VSTM4: variants seen among roughly 807,000 people sequenced by gnomAD.
The protein encoded by VSTM4 is V-set and transmembrane domain containing 4, also known as V-set and transmembrane domain-containing protein 4.
Under a neutral mutation model 36.4 loss-of-function variants are expected in VSTM4, and 20 were observed. That is an observed-to-expected ratio of 0.55 (90% CI 0.39 to 0.80). The LOEUF is 0.80. VSTM4 is among the 30% of genes least tolerant of loss of function. VSTM4 has a pLI of 0.00. For synonymous variants in VSTM4, 182 were observed against 173.9 expected (o/e 1.05, Z -0.37); for missense variants, 392 against 404.5 (o/e 0.97, Z 0.26).
chr10:49,048,370 T>TA, intron 6 of VSTM4, 108 bp downstream of exon 6: 1 of 980,892 alleles, frequency 1.0e-6, no homozygotes, highest in Non-Finnish European at 1.5e-6. Flanking sequence ...TGTCATGTCA[T>TA]ATTCCCCATC....
At position 49,107,772 on chromosome 10, in the gene VSTM4, G is replaced by T. The variant is rs111748147; in HGVS notation, c.279C>A (p.Ser93Arg). ...VVQYYGNFSR[S>R]AKRRRLRLLE... ...GCAGGCGCAGCCTCCGCCGTTTGGC[G>T]CTGCGGCTGAAATTCCCATAGTACT... Residue 93 changes from serine (S) to arginine (R), a missense_variant, in exon 2 of 8, where the codon AGC becomes AGA. Transcript: ENST00000332853. 1 of 1,614,204 alleles carries T rather than the reference G, an allele frequency of 6.2e-7. No individual in the cohort carries two copies. Among genetic ancestry groups the T allele is most frequent in the Non-Finnish European group, 8.5e-7 (1 of 1,180,052 alleles).
At chr10:49,033,918 C>A (rs1010400574) in intron 7 of VSTM4, among the ~76,000 whole-genome samples, 1 of 152,002 alleles carries the variant, frequency 6.6e-6, no homozygotes, top group Non-Finnish European at 1.5e-5. Flanking sequence ...TCATCATCAC[C>A]ATCCTCTTCA....
rs143969418 is a variant in VSTM4 at position 49,057,602 on chromosome 10, C to T, written c.668+7101G>A. 3.6e-3 allele frequency among the ~76,000 whole-genome samples: 554 copies of T among 152,312 alleles called. 4 individuals are homozygous for T. The highest frequency in any genetic ancestry group is 6.8e-3 in the Middle Eastern group (2 of 294). On this transcript the variant is annotated intron_variant, in intron 5 of 7. Coordinates refer to ENST00000332853, the MANE Select transcript of VSTM4 (RefSeq NM_001031746.5). ...GAACCACCCCCATCTCACAGGCCTGCCCTCCCCACTCCCACCCCTGCCTGG... is the reference window on the plus strand; with the variant it reads ...GAACCACCCCCATCTCACAGGCCTGTCCTCCCCACTCCCACCCCTGCCTGG...
At chr10:49,113,135 C>T (rs1214978504) in intron 1 of VSTM4, among the ~76,000 whole-genome samples, 2 of 152,172 alleles carry the variant, frequency 1.3e-5, no homozygotes, top group Non-Finnish European at 2.9e-5. Flanking sequence ...TTCAGGGAGA[C>T]CAGAGCCTCT....
intron 1 of VSTM4, among the ~76,000 whole-genome samples, chr10:49,109,345 G>A (rs755178193): frequency 7.2e-5 from 11 of 152,224 alleles, no homozygotes; most frequent in Admixed American, 2.6e-4. Flanking sequence ...GCAGCAAGCA[G>A]GCGGCCCTGC....
At chr10:49,114,447 T>C (rs1844952241) in intron 1 of VSTM4, among the ~76,000 whole-genome samples, 1 of 152,140 alleles carries the variant, frequency 6.6e-6, no homozygotes, top group South Asian at 2.1e-4. Context: ...TGGGTTCAAA[T>C]CCCAGCTCCA....
intron 6 of VSTM4, 144 bp from the exon 7 acceptor site, chr10:49,047,188 A>C: frequency 3.6e-6 from 3 of 840,394 alleles, no homozygotes; most frequent in Non-Finnish European, 5.9e-6. Flanking sequence ...AGGTGTCAGC[A>C]AGTGCCCCTC....
chr10:49,075,922 A>G (rs1775842561), intron 4 of VSTM4, among the ~76,000 whole-genome samples: 1 of 152,168 alleles, frequency 6.6e-6, no homozygotes. Context: ...GCTCCCTCCC[A>G]GCTGCCTCCT....
intron 4 of VSTM4, among the ~76,000 whole-genome samples, chr10:49,074,074 G>C (rs556193551): frequency 3.3e-5 from 5 of 152,284 alleles, no homozygotes; most frequent in Admixed American, 3.3e-4. Context: ...CCTGCATGTT[G>C]AGTCTTCGCA....
At chr10:49,103,593 C>T in intron 2 of VSTM4, 1 of 1,439,212 alleles carries the variant, frequency 6.9e-7, no homozygotes, top group Non-Finnish European at 9.1e-7. Context: ...TGGCTCTTCT[C>T]AGAACTGGGA....
chr10:49,045,202 T>TTCTCTC (rs55748405), intron 7 of VSTM4, among the ~76,000 whole-genome samples: 42 of 148,402 alleles, frequency 2.8e-4, no homozygotes, highest in East Asian at 9.9e-4. Context: ...CAGTCTTTCT[T>TTCTCTC]TCTCTCTCTC....
intron 2 of VSTM4, among the ~76,000 whole-genome samples, chr10:49,092,045 T>C (rs1208420411): frequency 6.6e-6 from 1 of 152,248 alleles, no homozygotes; most frequent in African/African-American, 2.4e-5. Context: ...TCAGGAGACA[T>C]GCCTTCCCTT....
chr10:49,102,463 C>G, intron 2 of VSTM4: 1 of 985,334 alleles, frequency 1.0e-6, no homozygotes, highest in Middle Eastern at 5.2e-4. Context: ...TTTTTGACAT[C>G]ATCACTGTGC....
At chr10:49,069,864 A>T (rs1844041889) in intron 4 of VSTM4, among the ~76,000 whole-genome samples, 1 of 152,192 alleles carries the variant, frequency 6.6e-6, no homozygotes, top group African/African-American at 2.4e-5. Context: ...CATGAGCTCC[A>T]GGTGGCTATC....
At chr10:49,062,242 G>T (rs1159422071) in intron 5 of VSTM4, among the ~76,000 whole-genome samples, 1 of 152,150 alleles carries the variant, frequency 6.6e-6, no homozygotes, top group African/African-American at 2.4e-5. Flanking sequence ...TTCATGGAAA[G>T]AACACTCTAC....
At chr10:49,082,339 G>T (rs1264898718) in intron 3 of VSTM4, among the ~76,000 whole-genome samples, 1 of 152,186 alleles carries the variant, frequency 6.6e-6, no homozygotes, top group Non-Finnish European at 1.5e-5. Context: ...CAAAATATCT[G>T]CAATTAATCA....
chr10:49,057,703 G>A (rs541178112), intron 5 of VSTM4, among the ~76,000 whole-genome samples: 2 of 152,288 alleles, frequency 1.3e-5, no homozygotes, highest in Admixed American at 1.3e-4. Flanking sequence ...ATGACCGTGG[G>A]AGCATGGGAG....
At chr10:49,104,561 C>G (rs1475449337) in intron 2 of VSTM4, among the ~76,000 whole-genome samples, 1 of 152,140 alleles carries the variant, frequency 6.6e-6, no homozygotes, top group Non-Finnish European at 1.5e-5. Flanking sequence ...TTGGAACAGT[C>G]CCCTGGAAGC....
intron 7 of VSTM4, among the ~76,000 whole-genome samples, chr10:49,030,375 C>T (rs553642422): frequency 6.6e-6 from 1 of 152,276 alleles, no homozygotes; most frequent in Non-Finnish European, 1.5e-5. Flanking sequence ...GGTCCAGAGA[C>T]ACATGGGGCC....
Sources: gnomAD v4.1 joint callset for allele counts (sites outside exome capture counted in the v4.1 genomes callset) on GRCh38, gnomAD v4.1.1 for gene constraint, MANE v1.5 for transcripts, NCBI Gene and HGNC (gene_info 2026-07-23, HGNC 2026-07-21) for gene names.